Variants in CD276 observed in about 807,000 individuals in gnomAD.
CD276 encodes CD276 antigen.
In CD276, 34 loss-of-function variants were observed where a neutral mutation model predicts 50.0. That is an observed-to-expected ratio of 0.68 (90% CI 0.52 to 0.91). The LOEUF is 0.91. CD276 is among the 40% of genes least tolerant of loss of function. The pLI is 0.00. For synonymous variants in CD276, 275 were observed against 313.0 expected (o/e 0.88, Z 1.28); for missense variants, 634 against 717.5 (o/e 0.88, Z 1.33).
Position 73,713,006 on chromosome 15 carries a change from G to A in CD276, c.*50G>A. The A allele has an allele frequency of 1.9e-6, 3 of 1,579,474 alleles. No individual in the cohort carries two copies. Among genetic ancestry groups the A allele is most frequent in the Non-Finnish European group, 2.6e-6 (3 of 1,150,172 alleles). ...CCCTCCCTACAGCTCCTACCCTCTG[G>A]CTGCAATGGGGCTGCACTGTGAGCC... On this transcript the variant is annotated 3_prime_UTR_variant, in exon 10 of 10. Transcript: ENST00000318443.
At chr15:73,691,880 C>T (rs1424808163) in intron 1 of CD276, among the ~76,000 whole-genome samples, 2 of 152,196 alleles carry the variant, frequency 1.3e-5, no homozygotes, top group Non-Finnish European at 2.9e-5. Context: ...TATTTGTCTT[C>T]TGGCCCCTGG....
rs1212401264 is a variant in CD276 at position 73,703,671 on chromosome 15, T to C, written c.746T>C (p.Val249Ala). Residue 249 changes from valine (V) to alanine (A), a missense_variant, in exon 5 of 10, where the codon GTC (valine) becomes GCC (alanine). By Grantham distance (64) the Val-to-Ala change is moderately conservative. Coordinates refer to ENST00000318443, the MANE Select transcript of CD276 (RefSeq NM_001024736.2). ...ACCCCGCCCCCAGGAGCCGTGGAGG[T>C]CCAGGTCCCTGAGGACCCGGTGGTG... ...PQRSPTGAVE[V>A]QVPEDPVVAL... 1.2e-6 allele frequency: 2 copies of C among 1,610,120 alleles called. No homozygotes were observed. The highest frequency in any genetic ancestry group is 2.7e-5 in the African/African-American group (2 of 74,736).
In CD276 at chr15:73,703,917, G is replaced by C; in HGVS notation, c.992G>C (p.Arg331Pro). 3 of 1,613,450 alleles carry C rather than the reference G, an allele frequency of 1.9e-6. No individual in the cohort carries two copies. The highest frequency in any genetic ancestry group is 1.1e-5 in the South Asian group (1 of 91,072). The change falls in exon 5 of 10, where the codon CGT becomes CCT. Residue 331 changes from arginine to proline, a missense_variant. Physicochemically the swap from Arg to Pro is moderately radical, Grantham distance 103. Transcript: ENST00000318443. ...GCATCCCTGAGGCTGCAGCGCGTGC[G>C]TGTGGCGGACGAGGGCAGCTTCACC... ...GNASLRLQRVRVADEGSFTCF... is the reference protein window; with the variant it reads ...GNASLRLQRVPVADEGSFTCF...
chr15:73,705,069 G>A (rs951855967), intron 6 of CD276, among the ~76,000 whole-genome samples: 2 of 152,176 alleles, frequency 1.3e-5, no homozygotes, highest in African/African-American at 2.4e-5. Flanking sequence ...AGCCTCGTGG[G>A]CACCTCTTGT....
intron 2 of CD276, among the ~76,000 whole-genome samples, chr15:73,700,296 G>T (rs769471180): frequency 1.6e-4 from 25 of 152,112 alleles, no homozygotes; most frequent in Non-Finnish European, 3.1e-4. Context: ...CTCCCCACAC[G>T]GTGCTTGGCA....
intron 7 of CD276, chr15:73,708,807 AGC>A (rs1190347878): frequency 1.4e-5 from 5 of 347,250 alleles, no homozygotes; most frequent in African/African-American, 4.2e-5. Flanking sequence ...TGTGTGAGAG[AGC>A]AGGCCAGAGC....
intron 1 of CD276, among the ~76,000 whole-genome samples, chr15:73,692,469 G>A (rs1404729994): frequency 6.6e-6 from 1 of 152,156 alleles, no homozygotes; most frequent in Non-Finnish European, 1.5e-5. Flanking sequence ...GGTGAAATAG[G>A]ATAATAATAG....
chr15:73,713,064 G>A lies in CD276; in HGVS notation c.*108G>A, dbSNP rs1900975034. 1 of 1,002,582 alleles carries A rather than the reference G, an allele frequency of 1.0e-6. No homozygotes were observed. The highest frequency in any genetic ancestry group is 1.5e-6 in the Non-Finnish European group (1 of 666,686). The allele number at this position is 1,002,582 out of a possible 1,614,324, so 62.1% of individuals were successfully genotyped here. On this transcript the variant is annotated 3_prime_UTR_variant, in exon 10 of 10. Transcript: ENST00000318443. ...CAACAGATGCATCCTGCTCTGACAG[G>A]TGGGCTCCTTCTCCAAAGGATGCGA... is the stretch of plus-strand genomic sequence containing the variant.
intron 6 of CD276, among the ~76,000 whole-genome samples, chr15:73,708,002 G>A (rs982971116): frequency 3.9e-5 from 6 of 152,206 alleles, no homozygotes; most frequent in African/African-American, 1.4e-4. Context: ...ACTTAGGGGA[G>A]GGTAAGCAGC....
intron 1 of CD276, chr15:73,697,480 T>C (rs7176701): frequency 0.19 from 29,083 of 151,320 alleles, 3,856 homozygotes; most frequent in African/African-American, 0.38. Context: ...CGTGGAAGGG[T>C]GGAAAGGTGT....
At chr15:73,693,258 C>G (rs1300334928) in intron 1 of CD276, among the ~76,000 whole-genome samples, 1 of 151,958 alleles carries the variant, frequency 6.6e-6, no homozygotes, top group East Asian at 1.9e-4. Flanking sequence ...TTTTTTTAAT[C>G]CACCAACAAA....
rs1178069519 is a variant in CD276 at position 73,711,139 on chromosome 15, G to A, written c.1551G>A (p.Leu517=). The change falls in exon 9 of 10, where the codon CTG becomes CTA. Residue 517 remains leucine (L), a synonymous_variant. Transcript: ENST00000318443. ...TGCGCCTTCCTTTTTTTACAGCCCT[G>A]CAGCCTCTGAAACACTCTGACAGCA... ...DGEGEGSKTA[L]QPLKHSDSKE... is the part of the protein sequence containing the mutation. 1.5e-5 allele frequency: 24 copies of A among 1,613,790 alleles called. No homozygotes were observed. Among genetic ancestry groups the A allele is most frequent in the Non-Finnish European group, 1.9e-5 (22 of 1,180,006 alleles).
chr15:73,690,463 GA>G (rs1596003006), intron 1 of CD276, among the ~76,000 whole-genome samples: 1 of 152,012 alleles, frequency 6.6e-6, no homozygotes, highest in East Asian at 1.9e-4. Context: ...AATATATAAA[GA>G]AAAAAAGGTT....
intron 1 of CD276, chr15:73,686,194 C>T: frequency 1.9e-6 from 1 of 528,766 alleles, no homozygotes. Flanking sequence ...CATGACTGAC[C>T]TTTGGAGTTC....
intron 9 of CD276, chr15:73,711,931 G>T (rs1016202953): frequency 3.9e-5 from 6 of 152,140 alleles, no homozygotes; most frequent in Non-Finnish European, 7.3e-5. Flanking sequence ...GAGGTGGGTG[G>T]ATCACTTGAG....
chr15:73,702,676 C>T (rs1900451736), intron 3 of CD276, 83 bp downstream of exon 3: 1 of 1,554,884 alleles, frequency 6.4e-7, no homozygotes, highest in Non-Finnish European at 8.7e-7. Context: ...CCACTGCTCC[C>T]AGAACCCCAG....
chr15:73,686,316 T>A (rs1899758035), intron 1 of CD276: 1 of 984,800 alleles, frequency 1.0e-6, no homozygotes, highest in Non-Finnish European at 1.2e-6. Flanking sequence ...AAGGAGCCTG[T>A]GTTAATGCAA....
intron 8 of CD276, among the ~76,000 whole-genome samples, chr15:73,710,854 C>T (rs1017250055): frequency 2.0e-5 from 3 of 152,172 alleles, no homozygotes; most frequent in East Asian, 1.9e-4. Context: ...AGGGCACTTC[C>T]GCATCTCCAG....
intron 2 of CD276, among the ~76,000 whole-genome samples, chr15:73,701,238 CTCT>C (rs1900376980): frequency 6.6e-6 from 1 of 152,032 alleles, no homozygotes; most frequent in Non-Finnish European, 1.5e-5. Flanking sequence ...TCTGATCCCT[CTCT>C]TCTTCTCTAC....
Sources: gnomAD v4.1 joint callset for allele counts (sites outside exome capture counted in the v4.1 genomes callset) on GRCh38, gnomAD v4.1.1 for gene constraint, MANE v1.5 for transcripts, NCBI Gene and HGNC (gene_info 2026-07-23, HGNC 2026-07-21) for gene names.